The following ADAMTSL1 variants were observed in gnomAD, a reference collection of about 807,000 sequenced individuals.
ADAMTSL1 encodes ADAMTS like 1.
ADAMTSL1 carries 126 observed loss-of-function variants against 201.8 expected under a neutral mutation model. That is an observed-to-expected ratio of 0.62 (90% CI 0.54 to 0.72). The LOEUF (loss-of-function observed/expected upper bound fraction) is 0.72, where lower values mean the gene tolerates loss of function less well. Ranked by LOEUF, ADAMTSL1 falls within the 30% of genes least tolerant of loss-of-function variation. The probability of loss-of-function intolerance (pLI) is 0.00; values close to 1 mark genes in which losing one functional copy is unlikely to be tolerated. For synonymous variants in ADAMTSL1, 1,121 were observed against 903.4 expected (o/e 1.24, Z -4.32); for missense variants, 2,679 against 2,277.8 (o/e 1.18, Z -3.59).
chr9:18,865,140 T>C (rs182277000), intron 23 of ADAMTSL1, among the ~76,000 whole-genome samples: 1 of 152,180 alleles, frequency 6.6e-6, no homozygotes, highest in African/African-American at 2.4e-5. Context: ...GCTGCACCCA[T>C]TAACTCGTCA....
At chr9:17,957,564 G>A (rs781155407) in intron 1 of ADAMTSL1, among the ~76,000 whole-genome samples, 1 of 152,212 alleles carries the variant, frequency 6.6e-6, no homozygotes, top group Admixed American at 6.6e-5. Flanking sequence ...CAAAGGGAAG[G>A]TAAGTGATAA....
intron 3 of ADAMTSL1, among the ~76,000 whole-genome samples, chr9:18,560,639 T>A (rs940366681): frequency 1.4e-5 from 2 of 138,850 alleles, no homozygotes; most frequent in African/African-American, 6.2e-5. Context: ...TGGTCCTGGG[T>A]TTTTTTTTTG....
chr9:18,310,959 G>A (rs939947936), intron 2 of ADAMTSL1, among the ~76,000 whole-genome samples: 6 of 152,108 alleles, frequency 3.9e-5, no homozygotes, highest in African/African-American at 1.4e-4. Context: ...CAACCCAAAT[G>A]CCCATCAGTG....
At chr9:18,438,310 T>G (rs1413362264) in intron 2 of ADAMTSL1, among the ~76,000 whole-genome samples, 2 of 151,976 alleles carry the variant, frequency 1.3e-5, no homozygotes, top group Non-Finnish European at 2.9e-5. Flanking sequence ...GAAAAATAAC[T>G]TCTGGTGAAA....
rs115783480 is a variant in ADAMTSL1, at chr9:18,492,809, G to A, written c.64-12020G>A. Among the ~76,000 whole-genome samples, 1,450 of 152,272 alleles carry A rather than the reference G, an allele frequency of 9.5e-3. 23 individuals carry two copies. Among genetic ancestry groups the A allele is most frequent in the African/African-American group, 0.033 (1,370 of 41,558 alleles). On this transcript the variant is annotated intron_variant, in intron 1 of 28. Transcript: ENST00000380548. ...TTTTTGTGGAAGTGACTAATCTGAG[G>A]CAGAGAGAACTAAGTTGCCTAAAAT...
intron 23 of ADAMTSL1, among the ~76,000 whole-genome samples, chr9:18,872,250 T>C (rs915662994): frequency 1.3e-5 from 2 of 152,204 alleles, no homozygotes; most frequent in African/African-American, 2.4e-5. Flanking sequence ...AGAGCAATCA[T>C]AGAGGTAGCA....
At chr9:17,955,924 G>A (rs1315091205) in intron 1 of ADAMTSL1, among the ~76,000 whole-genome samples, 1 of 152,104 alleles carries the variant, frequency 6.6e-6, no homozygotes, top group Non-Finnish European at 1.5e-5. Flanking sequence ...TATGTTTTGA[G>A]CTTCTAATTT....
At chr9:18,239,545 C>A (rs1830979502) in intron 2 of ADAMTSL1, among the ~76,000 whole-genome samples, 1 of 151,972 alleles carries the variant, frequency 6.6e-6, no homozygotes, top group South Asian at 2.1e-4. Context: ...TTGAGACCAG[C>A]CTGGCCAACA....
intron 2 of ADAMTSL1, among the ~76,000 whole-genome samples, chr9:18,216,317 G>A (rs1484714134): frequency 6.6e-6 from 1 of 152,164 alleles, no homozygotes; most frequent in Non-Finnish European, 1.5e-5. Flanking sequence ...ATGAAGCATT[G>A]TGGTATAGTA....
intron 21 of ADAMTSL1, among the ~76,000 whole-genome samples, chr9:18,824,442 A>C (rs1181192855): frequency 1.3e-5 from 2 of 152,198 alleles, no homozygotes; most frequent in Non-Finnish European, 2.9e-5. Flanking sequence ...TGTGGTATCC[A>C]AGTCTCCACC....
At chr9:18,254,573 C>T (rs924426413) in intron 2 of ADAMTSL1, among the ~76,000 whole-genome samples, 1 of 151,590 alleles carries the variant, frequency 6.6e-6, no homozygotes, top group African/African-American at 2.4e-5. Context: ...CCATGTTAGC[C>T]AGGATGGTCT....
intron 2 of ADAMTSL1, among the ~76,000 whole-genome samples, chr9:18,359,187 G>T (rs1018030162): frequency 6.6e-6 from 1 of 152,180 alleles, no homozygotes; most frequent in African/African-American, 2.4e-5. Context: ...TACAAAATAA[G>T]CTCTGGTCCT....
chr9:18,111,828 C>G (rs947985712), intron 1 of ADAMTSL1, among the ~76,000 whole-genome samples: 1 of 152,182 alleles, frequency 6.6e-6, no homozygotes, highest in African/African-American at 2.4e-5. Flanking sequence ...CCATGCAACT[C>G]TTTCCTGATA....
chr9:18,799,906 A>G (rs574941606), intron 20 of ADAMTSL1, among the ~76,000 whole-genome samples: 3 of 152,312 alleles, frequency 2.0e-5, no homozygotes, highest in South Asian at 4.2e-4. Flanking sequence ...ATAAAAGACA[A>G]GTGATTGTGT....
At chr9:18,843,020 T>C (rs1286460727) in intron 23 of ADAMTSL1, among the ~76,000 whole-genome samples, 1 of 152,142 alleles carries the variant, frequency 6.6e-6, no homozygotes, top group Non-Finnish European at 1.5e-5. Context: ...AATTGGAGCA[T>C]TTAGTCCATT....
intron 1 of ADAMTSL1, among the ~76,000 whole-genome samples, chr9:18,018,377 C>T (rs1291269794): frequency 6.6e-6 from 1 of 152,070 alleles, no homozygotes; most frequent in Non-Finnish European, 1.5e-5. Flanking sequence ...GGCATTCATG[C>T]CCTTCTGTAA....
intron 7 of ADAMTSL1, among the ~76,000 whole-genome samples, chr9:18,654,608 A>G (rs75081704): frequency 0.019 from 2,931 of 152,326 alleles, 108 homozygotes; most frequent in African/African-American, 0.067. Flanking sequence ...TTAGGTATTT[A>G]TAGATATATA....
intron 4 of ADAMTSL1, among the ~76,000 whole-genome samples, chr9:18,613,150 A>C (rs1467432836): frequency 6.6e-6 from 1 of 152,212 alleles, no homozygotes; most frequent in Non-Finnish European, 1.5e-5. Context: ...TGCAAACCAA[A>C]ACCACAATGA....
chr9:18,002,816 G>C (rs1427878434), intron 1 of ADAMTSL1, among the ~76,000 whole-genome samples: 1 of 152,022 alleles, frequency 6.6e-6, no homozygotes, highest in Non-Finnish European at 1.5e-5. Flanking sequence ...GGAAGTCAAA[G>C]TACAAGAGAG....
Sources: allele counts gnomAD v4.1 joint callset (sites outside exome capture counted in the v4.1 genomes callset), GRCh38; gene constraint gnomAD v4.1.1; transcripts MANE v1.5; gene names NCBI Gene and HGNC (gene_info 2026-07-23, HGNC 2026-07-21).